RIN3: variants seen among roughly 807,000 people sequenced by gnomAD.
The protein encoded by RIN3 is Ras and Rab interactor 3, also known as RAB5 interacting protein 3.
In RIN3, 54 loss-of-function variants were observed where a neutral mutation model predicts 76.3. That is an observed-to-expected ratio of 0.71 (90% confidence interval 0.57 to 0.89). The LOEUF (loss-of-function observed/expected upper bound fraction) is 0.89. RIN3 is among the 40% of genes least tolerant of loss of function. The probability of loss-of-function intolerance (pLI) is 0.00; values close to 1 mark genes in which losing one functional copy is unlikely to be tolerated. For synonymous variants in RIN3, 576 were observed against 564.0 expected (o/e 1.02, Z -0.30); for missense variants, 1,256 against 1,322.1 (o/e 0.95, Z 0.78).
rs1246010962 is a variant in RIN3 at position 92,681,762 on chromosome 14, G to A, written c.2468-3225G>A. ...ACCAGAGCCGACTTCCTGGCCTGGG[G>A]CTTTAAACCTAACTTAAAATGGAGA... On this transcript the variant is annotated intron_variant, in intron 8 of 9. Coordinates refer to ENST00000216487, the MANE Select transcript of RIN3 (RefSeq NM_024832.5). The surrounding 1 kb of genome is among the most constrained non-coding windows in gnomAD (Gnocchi z 4.7). Among the ~76,000 whole-genome samples the A allele has an allele frequency of 6.6e-6, 1 of 152,204 alleles. No individual in the cohort carries two copies. Among genetic ancestry groups the A allele is most frequent in the Non-Finnish European group, 1.5e-5 (1 of 68,030 alleles).
rs1485059067 is a variant in RIN3, at chr14:92,688,376, C to T, written c.*124C>T. 1.2e-5 allele frequency: 11 copies of T among 911,542 alleles called. No homozygotes were observed. In the East Asian group the frequency reaches 3.0e-4, roughly 25 times the overall value. 56.5% of individuals were successfully genotyped at this position (911,542 alleles called of 1,614,324 possible). On this transcript the variant is annotated 3_prime_UTR_variant, in exon 10 of 10. Transcript: ENST00000216487. ...GGGCCATTCCATGACGTGCCCAGGC[C>T]AACGTCGCAGGACAGTTGTGAAAAT...
At chr14:92,557,182 G>A (rs1188663398) in intron 2 of RIN3, among the ~76,000 whole-genome samples, 2 of 152,216 alleles carry the variant, frequency 1.3e-5, no homozygotes, top group African/African-American at 4.8e-5. Flanking sequence ...AGTCTTGCAA[G>A]TTCTTCATGT....
chr14:92,580,939 T>C (rs1898416120), intron 3 of RIN3, among the ~76,000 whole-genome samples: 2 of 152,338 alleles, frequency 1.3e-5, no homozygotes, highest in East Asian at 3.9e-4. Context: ...GCCTGATCCA[T>C]GGGTAGTAAG....
At chr14:92,603,635 G>T (rs72697295) in intron 3 of RIN3, among the ~76,000 whole-genome samples, 13 of 152,164 alleles carry the variant, frequency 8.5e-5, no homozygotes, top group Admixed American at 2.0e-4. Context: ...TGCCTGTGCC[G>T]TGTTGCGGTC....
chr14:92,528,560 C>T (rs1896806539), intron 1 of RIN3, among the ~76,000 whole-genome samples: 1 of 152,196 alleles, frequency 6.6e-6, no homozygotes. Context: ...TCACAGTTTG[C>T]ACTGCCTCTT....
rs561340292 is a variant in RIN3 at position 92,576,441 on chromosome 14, C to T, written c.250-919C>T. 8 of 1,277,276 alleles carry T rather than the reference C, an allele frequency of 6.3e-6. No homozygotes were observed. In the African/African-American group the frequency reaches 1.1e-4, roughly 17 times the overall value. The allele number at this position is 1,277,276 out of a possible 1,614,324, so 79.1% of individuals were successfully genotyped here. ...TCACAGCCTAGAGCCATGGTTTTAT[C>T]AGAAGAGAGTAAACCTACAGCAGAA... On this transcript the variant is annotated intron_variant, in intron 2 of 9. Coordinates refer to ENST00000216487, the MANE Select transcript of RIN3 (RefSeq NM_024832.5).
chr14:92,663,074 G>T (rs982460844), intron 7 of RIN3, among the ~76,000 whole-genome samples: 5 of 151,998 alleles, frequency 3.3e-5, no homozygotes, highest in African/African-American at 1.2e-4. Context: ...GCCTCCCAAA[G>T]TGCTGAGATT....
rs184143485 is a variant in RIN3, at chr14:92,676,643, C to G, written c.2467+37C>G. The G allele has an allele frequency of 2.5e-6, 4 of 1,604,744 alleles. No individual in the cohort carries two copies. The African/African-American group carries it at 5.3e-5, about 21-fold the overall frequency. ...CCCCCTGCCCATCAGGTGCATTGCACACCCCCAACTCAGCCACGCCACGGG... is the reference window on the plus strand; with the variant it reads ...CCCCCTGCCCATCAGGTGCATTGCAGACCCCCAACTCAGCCACGCCACGGG... On this transcript the variant is annotated intron_variant, in intron 8 of 9. Transcript: ENST00000216487.
chr14:92,585,756 C>G (rs1449623134), intron 3 of RIN3, among the ~76,000 whole-genome samples: 1 of 152,238 alleles, frequency 6.6e-6, no homozygotes, highest in East Asian at 1.9e-4. Flanking sequence ...GTTGCTGGGA[C>G]TACAGGTACA....
chr14:92,556,756 A>G (rs551862268), intron 2 of RIN3, among the ~76,000 whole-genome samples: 1 of 152,322 alleles, frequency 6.6e-6, no homozygotes, highest in Admixed American at 6.5e-5. Context: ...TACCAAAGTG[A>G]TACACATATG....
Position 92,651,646 on chromosome 14 carries a change from C to A in RIN3, c.597C>A (p.Asp199Glu). ...GGAAGCCAGCAGAGCCCCCAAGAGA[C>A]CGGGCCCCCGGATTCCCCCTAGTCT... ...ERGKPAEPPR[D>E]RAPGFPLVSS... The change falls in exon 6 of 10, where the codon GAC (aspartate) becomes GAA (glutamate). Residue 199 changes from aspartate (D) to glutamate (E), a missense_variant. This residue lies in a region of RIN3 where 610 missense variants were observed against 626.4 expected (regional missense o/e 0.97). Transcript: ENST00000216487. The A allele has an allele frequency of 6.2e-7, 1 of 1,613,760 alleles. No individual in the cohort carries two copies. Among genetic ancestry groups the A allele is most frequent in the Non-Finnish European group, 8.5e-7 (1 of 1,179,784 alleles).
At chr14:92,670,062 ATT>A (rs11375700) in intron 7 of RIN3, among the ~76,000 whole-genome samples, 1 of 144,200 alleles carries the variant, frequency 6.9e-6, no homozygotes, top group Non-Finnish European at 1.5e-5. Context: ...GACCCAGCTG[ATT>A]TTTTTTTTTT....
At chr14:92,582,298 T>C (rs1884574693) in intron 3 of RIN3, among the ~76,000 whole-genome samples, 1 of 152,194 alleles carries the variant, frequency 6.6e-6, no homozygotes, top group Admixed American at 6.5e-5. Flanking sequence ...AAAAATTCAG[T>C]GCTCAATTTG....
At chr14:92,579,639 A>C (rs560401036) in intron 3 of RIN3, among the ~76,000 whole-genome samples, 1 of 152,378 alleles carries the variant, frequency 6.6e-6, no homozygotes, top group Admixed American at 6.5e-5. Flanking sequence ...CTCAGCTAGC[A>C]GCAGAGTGAC....
chr14:92,538,267 C>A (rs760358258), intron 1 of RIN3, among the ~76,000 whole-genome samples: 4 of 152,224 alleles, frequency 2.6e-5, no homozygotes, highest in Non-Finnish European at 5.9e-5. Flanking sequence ...CCATGCCTGG[C>A]CCTTAGGGAC....
intron 4 of RIN3, among the ~76,000 whole-genome samples, chr14:92,630,923 G>A (rs1886553599): frequency 6.6e-6 from 1 of 152,178 alleles, no homozygotes; most frequent in Non-Finnish European, 1.5e-5. Context: ...GGGGATGTTA[G>A]CCAAGATGGA....
At chr14:92,599,520 T>G (rs1885269060) in intron 3 of RIN3, among the ~76,000 whole-genome samples, 1 of 151,858 alleles carries the variant, frequency 6.6e-6, no homozygotes, top group Non-Finnish European at 1.5e-5. Flanking sequence ...GGAAGAGCAG[T>G]TAGAGGGTAA....
At chr14:92,653,234 AGGCTGCTAAT>A (rs1474816591) in intron 6 of RIN3, among the ~76,000 whole-genome samples, 159 bp downstream of exon 6, 1 of 152,124 alleles carries the variant, frequency 6.6e-6, no homozygotes, top group Non-Finnish European at 1.5e-5. Flanking sequence ...GCTGCAAGGT[AGGCTGCTAAT>A]GGTGCCCGGC....
intron 1 of RIN3, among the ~76,000 whole-genome samples, chr14:92,541,840 G>A (rs10467867): frequency 0.71 from 107,571 of 152,104 alleles, 38,522 homozygotes; most frequent in Middle Eastern, 0.8. Flanking sequence ...GAAAGTAGAA[G>A]TGCAGTCCAT....
Sources: allele counts gnomAD v4.1 joint callset (sites outside exome capture counted in the v4.1 genomes callset), GRCh38; gene constraint gnomAD v4.1.1; regional missense constraint gnomAD v4.1.1; non-coding constraint Gnocchi (gnomAD v3.1); transcripts MANE v1.5; gene names NCBI Gene and HGNC (gene_info 2026-07-23, HGNC 2026-07-21).